Variants in FNBP4 observed in about 807,000 individuals in gnomAD.
FNBP4 encodes formin binding protein 4.
Under a neutral mutation model 119.3 loss-of-function variants are expected in FNBP4, and 34 were observed. The ratio of observed to expected loss-of-function variants is 0.28; its 90% CI spans 0.22 to 0.38. The LOEUF (loss-of-function observed/expected upper bound fraction) is 0.38. FNBP4 is among the 10% of genes least tolerant of loss of function. The pLI is 1.00. For synonymous variants in FNBP4, 462 were observed against 430.6 expected (o/e 1.07, Z -0.90); for missense variants, 1,112 against 1,228.9 (o/e 0.90, Z 1.42).
intron 2 of FNBP4, among the ~76,000 whole-genome samples, chr11:47,756,380 C>T (rs772250936): frequency 2.5e-4 from 38 of 152,124 alleles, no homozygotes; most frequent in Non-Finnish European, 2.2e-4. Context: ...ACAGATTTAT[C>T]GAAAGTTAAA....
chr11:47,750,233 G>A (rs1189570151), intron 6 of FNBP4, among the ~76,000 whole-genome samples: 10 of 151,782 alleles, frequency 6.6e-5, no homozygotes. Context: ...ACAAAAATTA[G>A]CCAGGCATGG....
rs1404882993 is a variant in FNBP4 at position 47,732,504 on chromosome 11, G to A, written c.1820+33C>T. 1.2e-6 allele frequency: 2 copies of A among 1,613,396 alleles called. No homozygotes were observed. Among genetic ancestry groups the A allele is most frequent in the East Asian group, 2.2e-5 (1 of 44,864 alleles). On this transcript the variant is annotated intron_variant, in intron 11 of 16. Coordinates refer to ENST00000263773, the MANE Select transcript of FNBP4 (RefSeq NM_015308.5). This position sits in a 1 kb window ranked among gnomAD's most constrained non-coding sequence, Gnocchi z 4.2. ...CACAAATCATGTCTGAGATGTCAAAGGTGAAAGGTGAAAAGGGGAGAAGAG... is the reference window on the plus strand; with the variant it reads ...CACAAATCATGTCTGAGATGTCAAAAGTGAAAGGTGAAAAGGGGAGAAGAG...
In FNBP4 at chr11:47,737,047, C is replaced by A. The variant is rs55743056; in HGVS notation, c.1457-307G>T. Among the ~76,000 whole-genome samples the A allele has an allele frequency of 0.11, 17,161 of 151,972 alleles. 1,260 individuals carry two copies. The highest frequency in any genetic ancestry group is 0.19 in the Middle Eastern group (57 of 294). ...AGTAGAACCGTCTCTACTAAAAATA[C>A]AAAAAATTAGCCACGCATGGTGGCA... On this transcript the variant is annotated intron_variant, in intron 8 of 16. Transcript: ENST00000263773.
At chr11:47,745,504 G>T (rs189424656) in intron 7 of FNBP4, among the ~76,000 whole-genome samples, 2 of 152,080 alleles carry the variant, frequency 1.3e-5, no homozygotes, top group Non-Finnish European at 2.9e-5. Context: ...CCCGGCCCTG[G>T]TAAGTCTGTG....
intron 6 of FNBP4, among the ~76,000 whole-genome samples, chr11:47,750,626 T>C (rs530228843): frequency 3.8e-5 from 5 of 130,502 alleles, no homozygotes; most frequent in East Asian, 2.2e-4. Flanking sequence ...GAGGTGGAGC[T>C]TGCAGTCAGC....
Position 47,741,255 on chromosome 11 carries a change from G to A in FNBP4, c.1456+2698C>T, listed in dbSNP as rs796490404. Among the ~76,000 whole-genome samples the A allele has an allele frequency of 4.0e-5, 6 of 151,484 alleles. No individual in the cohort carries two copies. In the South Asian group the frequency reaches 1.0e-3, roughly 26 times the overall value. On this transcript the variant is annotated intron_variant, in intron 8 of 16. Transcript: ENST00000263773. ...TGTAATCATAGCTCACTGCAGCCTC[G>A]AACTCCTGGGCTCAAGCTATCTTCC...
chr11:47,749,340 A>G (rs1228146811), intron 6 of FNBP4, among the ~76,000 whole-genome samples: 1 of 140,568 alleles, frequency 7.1e-6, no homozygotes, highest in Non-Finnish European at 1.6e-5. Context: ...AGGCAGGTGG[A>G]TCACTTGAGG....
chr11:47,736,089 A>C (rs1599188590), intron 9 of FNBP4, among the ~76,000 whole-genome samples: 1 of 133,748 alleles, frequency 7.5e-6, no homozygotes. Context: ...CAAAAAAAAA[A>C]CACTTGCCAG....
intron 15 of FNBP4, among the ~76,000 whole-genome samples, chr11:47,721,866 C>T (rs1442520920): frequency 6.8e-6 from 1 of 147,098 alleles, no homozygotes; most frequent in African/African-American, 2.5e-5. Flanking sequence ...AGAATTACAG[C>T]GTTCCCATTT....
In FNBP4 at chr11:47,717,505, C is replaced by A; in HGVS notation, c.2971G>T (p.Ala991Ser). The A allele has an allele frequency of 6.2e-7, 1 of 1,610,934 alleles. No homozygotes were observed. The highest frequency in any genetic ancestry group is 8.5e-7 in the Non-Finnish European group (1 of 1,178,076). The change falls in exon 17 of 17, where the codon GCA (alanine) becomes TCA (serine). Residue 991 changes from alanine (A) to serine (S), a missense_variant. Ala to Ser is a moderately conservative substitution (Grantham distance 99). This residue lies in a region of FNBP4 where 826 missense variants were observed against 988.8 expected (regional missense o/e 0.84). Transcript: ENST00000263773. ...WKQQQLVSGMAERNANFEALP... is the reference protein window; with the variant it reads ...WKQQQLVSGMSERNANFEALP... ...GCTTCAAAATTAGCATTTCTCTCTG[C>A]CATGCCACTGTGAAAACAACATACA...
intron 2 of FNBP4, among the ~76,000 whole-genome samples, chr11:47,760,680 C>T (rs975615342): frequency 3.3e-5 from 5 of 152,138 alleles, no homozygotes; most frequent in East Asian, 3.9e-4. Context: ...GTGATTCACC[C>T]GCTTCAGGCT....
Position 47,767,091 on chromosome 11 carries a change from G to A in FNBP4, c.198C>T (p.Ala66=). 1 of 1,530,416 alleles carries A rather than the reference G, an allele frequency of 6.5e-7. No homozygotes were observed. The highest frequency in any genetic ancestry group is 2.5e-5 in the East Asian group (1 of 39,596). 94.8% of individuals were successfully genotyped at this position (1,530,416 alleles called of 1,614,324 possible). ...TGCCTTCTGAAGGCGAGTCGTCCGA[G>A]GCCGCGGCGGCAGTCACCGCGGTGG... ...TTTTAVTAAA[A]SDDSPSEDEQ... Residue 66 remains alanine (A), a synonymous_variant, in exon 1 of 17, where the codon GCC becomes GCT. Coordinates refer to ENST00000263773, the MANE Select transcript of FNBP4 (RefSeq NM_015308.5).
Position 47,736,715 on chromosome 11 carries a change from T to A in FNBP4, c.1482A>T (p.Lys494Asn). ...ETAIGAENSE[K>N]IDENSDKEME... Reference sequence around the variant, plus strand: ...TCTCTTTATCTGAATTCTCATCTATTTTTTCTGAATTTTCAGCACCAATTG... The same window carrying A: ...TCTCTTTATCTGAATTCTCATCTATATTTTCTGAATTTTCAGCACCAATTG... The change falls in exon 9 of 17, where the codon AAA becomes AAT. Residue 494 changes from lysine (K) to asparagine (N), a missense_variant. Coordinates refer to ENST00000263773, the MANE Select transcript of FNBP4 (RefSeq NM_015308.5). The A allele has an allele frequency of 6.2e-7, 1 of 1,602,210 alleles. No individual in the cohort carries two copies. The highest frequency in any genetic ancestry group is 8.5e-7 in the Non-Finnish European group (1 of 1,172,040).
chr11:47,734,415 T>C (rs977750116), intron 9 of FNBP4, among the ~76,000 whole-genome samples: 5 of 152,136 alleles, frequency 3.3e-5, no homozygotes, highest in Admixed American at 3.3e-4. Flanking sequence ...ACAAAGGTCT[T>C]GCTATTGCCC....
intron 1 of FNBP4, among the ~76,000 whole-genome samples, chr11:47,765,870 T>TTTTTTTA (rs2097646740): frequency 2.1e-5 from 3 of 144,420 alleles, no homozygotes; most frequent in African/African-American, 7.6e-5. Flanking sequence ...TTTTTTTTTT[T>TTTTTTTA]GAGACGGAGT....
intron 12 of FNBP4, chr11:47,726,101 G>T (rs1213675627): frequency 6.6e-6 from 1 of 152,168 alleles, no homozygotes; most frequent in African/African-American, 2.4e-5. Context: ...TAGATACCCA[G>T]AAGAAGTCAC....
At chr11:47,741,336 T>C (rs1232656707) in intron 8 of FNBP4, among the ~76,000 whole-genome samples, 1 of 151,640 alleles carries the variant, frequency 6.6e-6, no homozygotes, top group East Asian at 1.9e-4. Context: ...CACTGGCTAA[T>C]TTTTAAAAAA....
intron 9 of FNBP4, 127 bp from the exon 10 acceptor site, chr11:47,734,256 A>T (rs1197472321): frequency 2.1e-6 from 1 of 483,724 alleles, no homozygotes; most frequent in Non-Finnish European, 3.6e-6. Flanking sequence ...TTCCCCAAAC[A>T]GCTGTATTTA....
At chr11:47,756,432 G>A (rs2135256211) in intron 2 of FNBP4, among the ~76,000 whole-genome samples, 1 of 152,204 alleles carries the variant, frequency 6.6e-6, no homozygotes, top group South Asian at 2.1e-4. Context: ...AAACTCAAAG[G>A]TCACCTAAAA....
Sources: gnomAD v4.1 joint callset for allele counts (sites outside exome capture counted in the v4.1 genomes callset) on GRCh38, gnomAD v4.1.1 for gene constraint, gnomAD v4.1.1 regional missense constraint, Gnocchi (gnomAD v3.1) non-coding constraint, MANE v1.5 for transcripts, NCBI Gene and HGNC (gene_info 2026-07-23, HGNC 2026-07-21) for gene names.